TIAM2: variants seen among roughly 807,000 people sequenced by gnomAD.
The protein encoded by TIAM2 is TIAM Rac1 associated GEF 2, also known as rho guanine nucleotide exchange factor TIAM2.
In TIAM2, 80 loss-of-function variants were observed where a neutral mutation model predicts 152.9. The ratio of observed to expected loss-of-function variants is 0.52; its 90% CI spans 0.44 to 0.63. The LOEUF is 0.63. TIAM2 is among the 30% of genes least tolerant of loss of function. The pLI is 0.00. For missense variants in TIAM2, 1,965 were observed against 2,120.1 expected, an observed-to-expected ratio of 0.93 and a Z score of 1.44; for synonymous variants, 804 against 838.0, an observed-to-expected ratio of 0.96 and a Z score of 0.70.
chr6:155,032,682 G>A (rs1022363493), intron 1 of TIAM2, among the ~76,000 whole-genome samples: 4 of 151,940 alleles, frequency 2.6e-5, no homozygotes, highest in African/African-American at 9.7e-5. Flanking sequence ...CTGAGATTAC[G>A]GGCACCTGCC....
intron 2 of TIAM2, among the ~76,000 whole-genome samples, chr6:155,126,192 G>C (rs1779290741): frequency 6.6e-6 from 1 of 152,182 alleles, no homozygotes; most frequent in African/African-American, 2.4e-5. Flanking sequence ...TGAAACTTGA[G>C]GGCATTATAC....
At chr6:155,227,785 C>T (rs2115259121) in intron 15 of TIAM2, among the ~76,000 whole-genome samples, 1 of 152,308 alleles carries the variant, frequency 6.6e-6, no homozygotes, top group Non-Finnish European at 1.5e-5. Context: ...AGATCCAAGG[C>T]TTATGTTCCA....
intron 1 of TIAM2, among the ~76,000 whole-genome samples, chr6:155,072,271 G>A (rs1777855441): frequency 6.6e-6 from 1 of 152,184 alleles, no homozygotes; most frequent in South Asian, 2.1e-4. Context: ...GTGTGGAGGA[G>A]AGATTTGTGG....
rs1780395246 is a variant in TIAM2, at chr6:155,165,277, T to C, written c.2229T>C (p.Asp743=). ...TTTTACATTAGGTATGTTCTAGAGA[T>C]GACTCTGCTCTCCGGAAAAGGACAC... ...SSFHALVCSR[D]DSALRKRTLS... Residue 743 remains aspartate (D), a synonymous_variant, in exon 9 of 27, where the codon GAT becomes GAC. Transcript: ENST00000682666. 1 of 1,613,452 alleles carries C rather than the reference T, an allele frequency of 6.2e-7. No individual in the cohort carries two copies. Among genetic ancestry groups the C allele is most frequent in the Admixed American group, 1.7e-5 (1 of 59,788 alleles).
At chr6:155,037,430 C>T (rs1459604573) in intron 1 of TIAM2, among the ~76,000 whole-genome samples, 1 of 152,102 alleles carries the variant, frequency 6.6e-6, no homozygotes, top group Non-Finnish European at 1.5e-5. Flanking sequence ...AAAAAAAAAT[C>T]CCCACTTCCT....
rs749703631 is a variant in TIAM2, at chr6:155,256,528, G to A, written c.4513G>A (p.Glu1505Lys). 6.8e-6 allele frequency: 11 copies of A among 1,614,038 alleles called. No homozygotes were observed. The highest frequency in any genetic ancestry group is 2.2e-5 in the South Asian group (2 of 91,064). ...LKVLKNSSSNEWTGETGKGTL... is the reference protein window; with the variant it reads ...LKVLKNSSSNKWTGETGKGTL... ...AGTCCTGAAGAATTCCTCCAGCAAC[G>A]AGTGGACCGGTGAGACTGGCAAGGG... is the stretch of plus-strand genomic sequence containing the variant. Residue 1505 changes from glutamate (E) to lysine (K), a missense_variant, in exon 27 of 27, where the codon GAG (glutamate) becomes AAG (lysine). By Grantham distance (56) the Glu-to-Lys change is moderately conservative. Around this residue, in one of 3 missense-constraint regions of TIAM2, gnomAD observed 935 missense variants for 980.0 expected, o/e 0.95. Coordinates refer to ENST00000682666, the MANE Select transcript of TIAM2 (RefSeq NM_012454.4).
chr6:155,068,586 G>A (rs1312658703), intron 1 of TIAM2, among the ~76,000 whole-genome samples: 4 of 148,954 alleles, frequency 2.7e-5, no homozygotes, highest in African/African-American at 9.8e-5. Context: ...CGGAGTAGCT[G>A]GGATTACAGG....
rs147676758 is a variant in TIAM2, at chr6:155,065,153, C to T, written c.-208-25136C>T. Among the ~76,000 whole-genome samples, 35 of 152,116 alleles carry T rather than the reference C, an allele frequency of 2.3e-4. 1 individual carries two copies. In the East Asian group the frequency reaches 5.3e-3, roughly 23 times the overall value. ...ACTCTTAGTAGAGATGGGGTTTCAC[C>T]GTGTTGGCCAGGCTGGTCTCAAACT... is the stretch of plus-strand genomic sequence containing the variant. On this transcript the variant is annotated intron_variant, in intron 1 of 26. Transcript: ENST00000682666.
intron 14 of TIAM2, among the ~76,000 whole-genome samples, chr6:155,201,815 A>G (rs763707056): frequency 4.7e-4 from 72 of 152,302 alleles, no homozygotes; most frequent in Non-Finnish European, 8.8e-4. Flanking sequence ...AGAAACATTT[A>G]CTACCAGCAT....
Position 155,129,125 on chromosome 6 carries a change from G to A in TIAM2, c.-6-93G>A. 4.2e-6 allele frequency: 5 copies of A among 1,178,992 alleles called. No individual in the cohort carries two copies. Among genetic ancestry groups the A allele is most frequent in the Non-Finnish European group, 6.0e-6 (5 of 838,802 alleles). The allele number at this position is 1,178,992 out of a possible 1,614,324, so 73.0% of individuals were successfully genotyped here. ...AGTCCTTCCAGGCACTGAAGTTGCT[G>A]TGTAATATGCAGGGCATTCTTTTTA... On this transcript the variant is annotated intron_variant, in intron 3 of 26. Coordinates refer to ENST00000682666, the MANE Select transcript of TIAM2 (RefSeq NM_012454.4). The surrounding 1 kb of genome is among the most constrained non-coding windows in gnomAD (Gnocchi z 4.8).
At chr6:155,020,989 T>C (rs1776467713) in intron 1 of TIAM2, among the ~76,000 whole-genome samples, 2 of 152,194 alleles carry the variant, frequency 1.3e-5, no homozygotes, top group Non-Finnish European at 2.9e-5. Flanking sequence ...TATTTGTTCT[T>C]TTGTGACTGG....
intron 14 of TIAM2, among the ~76,000 whole-genome samples, chr6:155,195,550 G>A (rs1188100309): frequency 1.3e-5 from 2 of 152,180 alleles, no homozygotes; most frequent in African/African-American, 4.8e-5. Context: ...CCTTGCCCAC[G>A]TGGAGCTTAC....
chr6:155,198,812 T>C (rs1004853364), intron 14 of TIAM2, among the ~76,000 whole-genome samples: 2 of 152,036 alleles, frequency 1.3e-5, no homozygotes, highest in Non-Finnish European at 2.9e-5. Flanking sequence ...AAGGGAATGG[T>C]GCCGAGACTT....
chr6:155,048,989 C>T (rs1424463915), intron 1 of TIAM2, among the ~76,000 whole-genome samples: 5 of 151,918 alleles, frequency 3.3e-5, no homozygotes, highest in South Asian at 2.1e-4. Flanking sequence ...TTAGTAGAGA[C>T]GGGTTTTCAC....
intron 1 of TIAM2, among the ~76,000 whole-genome samples, chr6:155,020,742 C>T (rs531668461): frequency 1.4e-3 from 218 of 152,316 alleles, no homozygotes; most frequent in African/African-American, 5.0e-3. Flanking sequence ...GGATTACAGG[C>T]ATGAGCCACT....
At chr6:155,236,940 T>G (rs1376191330) in intron 15 of TIAM2, among the ~76,000 whole-genome samples, 1 of 152,156 alleles carries the variant, frequency 6.6e-6, no homozygotes, top group Non-Finnish European at 1.5e-5. Context: ...CTCCCAAATC[T>G]CATATCTTCA....
At chr6:155,150,902 C>T (rs1033911894) in intron 7 of TIAM2, among the ~76,000 whole-genome samples, 5 of 152,232 alleles carry the variant, frequency 3.3e-5, no homozygotes, top group Admixed American at 1.3e-4. Context: ...TGAAAGACAC[C>T]GTAACTTAAT....
At chr6:155,203,069 A>AAAAAAAAAAG in intron 14 of TIAM2, among the ~76,000 whole-genome samples, 2 of 148,722 alleles carry the variant, frequency 1.3e-5, no homozygotes, top group African/African-American at 4.9e-5. Flanking sequence ...AAAAAAAAAA[A>AAAAAAAAAAG]AGAGAAAGAT....
At chr6:155,094,830 G>A (rs1348050381) in intron 2 of TIAM2, among the ~76,000 whole-genome samples, 6 of 150,732 alleles carry the variant, frequency 4.0e-5, no homozygotes, top group Admixed American at 4.0e-4. Context: ...TGATCCGCCC[G>A]CGTCAGCCTC....
Sources: gnomAD v4.1 joint callset for allele counts (sites outside exome capture counted in the v4.1 genomes callset) on GRCh38, gnomAD v4.1.1 for gene constraint, gnomAD v4.1.1 regional missense constraint, Gnocchi (gnomAD v3.1) non-coding constraint, MANE v1.5 for transcripts, NCBI Gene and HGNC (gene_info 2026-07-23, HGNC 2026-07-21) for gene names.